Variants in POT1 observed in about 807,000 individuals in gnomAD.
The protein encoded by POT1 is protection of telomeres protein 1.
Under a neutral mutation model 78.5 loss-of-function variants are expected in POT1, and 47 were observed. The observed-to-expected ratio is 0.60, with a 90% CI of 0.47 to 0.76. The LOEUF (loss-of-function observed/expected upper bound fraction) is 0.76. POT1 is among the 30% of genes least tolerant of loss of function. The pLI is 0.00. For synonymous variants in POT1, 259 were observed against 260.7 expected (o/e 0.99, Z 0.06); for missense variants, 646 against 749.9 (o/e 0.86, Z 1.62).
intron 3 of POT1, among the ~76,000 whole-genome samples, chr7:124,903,585 A>G (rs1796679557): frequency 6.6e-6 from 1 of 152,234 alleles, no homozygotes; most frequent in Admixed American, 6.5e-5. Context: ...AAGATCTAAA[A>G]TGGACACCCT....
intron 8 of POT1, among the ~76,000 whole-genome samples, chr7:124,860,442 C>A (rs992031029): frequency 6.6e-6 from 1 of 151,928 alleles, no homozygotes; most frequent in African/African-American, 2.4e-5. Context: ...CTACTGTATT[C>A]TCATTTTTTA....
At chr7:124,865,822 T>A (rs1195224643) in intron 7 of POT1, among the ~76,000 whole-genome samples, 2 of 152,064 alleles carry the variant, frequency 1.3e-5, no homozygotes, top group Non-Finnish European at 2.9e-5. Flanking sequence ...TCTTCTCACC[T>A]CCACTTAATT....
At chr7:124,889,852 T>C (rs1311356409) in intron 6 of POT1, among the ~76,000 whole-genome samples, 1 of 152,024 alleles carries the variant, frequency 6.6e-6, no homozygotes, top group Non-Finnish European at 1.5e-5. Flanking sequence ...TCATTGACAG[T>C]GCACCTAGTC....
chr7:124,826,605 C>T (rs1398171804), intron 17 of POT1, among the ~76,000 whole-genome samples: 3 of 152,158 alleles, frequency 2.0e-5, no homozygotes, highest in Non-Finnish European at 4.4e-5. Flanking sequence ...GGCACGGTGG[C>T]TCACGCCTGT....
chr7:124,901,393 G>C (rs1796615530), intron 3 of POT1, among the ~76,000 whole-genome samples: 1 of 152,176 alleles, frequency 6.6e-6, no homozygotes, highest in Non-Finnish European at 1.5e-5. Flanking sequence ...ACAGGGTCTG[G>C]AGTTGACCTG....
intron 6 of POT1, among the ~76,000 whole-genome samples, chr7:124,882,816 C>G (rs1796149442): frequency 6.6e-6 from 1 of 151,934 alleles, no homozygotes; most frequent in South Asian, 2.1e-4. Context: ...TCATGAAAGA[C>G]AAGCTAGTGC....
At chr7:124,923,569 T>A (rs1251697475) in intron 2 of POT1, among the ~76,000 whole-genome samples, 1 of 151,756 alleles carries the variant, frequency 6.6e-6, no homozygotes, top group Non-Finnish European at 1.5e-5. Flanking sequence ...TCAGTATTCC[T>A]AAGGGGGAAG....
chr7:124,911,980 G>A (rs1211089034), intron 3 of POT1, among the ~76,000 whole-genome samples: 2 of 151,954 alleles, frequency 1.3e-5, no homozygotes, highest in Non-Finnish European at 2.9e-5. Context: ...TTTGAATCTG[G>A]CAACATTCAA....
chr7:124,892,386 G>A lies in POT1; in HGVS notation c.10-6C>T. ...ATATAATTTGTTGCTGGAACCTAAA[G>A]AAAGAGAAGACAGTGAATACATTTA... On this transcript the variant is annotated splice_region_variant and splice_polypyrimidine_tract_variant and intron_variant, in intron 5 of 18. Transcript: ENST00000357628. 1.5e-6 allele frequency: 2 copies of A among 1,336,208 alleles called. No individual in the cohort carries two copies. Among genetic ancestry groups the A allele is most frequent in the Non-Finnish European group, 2.0e-6 (2 of 994,204 alleles). 82.8% of individuals were successfully genotyped at this position (1,336,208 alleles called of 1,614,324 possible). A position where few individuals can be genotyped will look rare whatever the true frequency, so the allele number is the denominator to read the frequency against.
chr7:124,824,695 T>G (rs1369501725), intron 18 of POT1, among the ~76,000 whole-genome samples: 4 of 151,736 alleles, frequency 2.6e-5, no homozygotes. Context: ...TCTGCAAGTT[T>G]CAACATAAGT....
At chr7:124,908,398 A>G (rs1235063299) in intron 3 of POT1, among the ~76,000 whole-genome samples, 2 of 152,002 alleles carry the variant, frequency 1.3e-5, no homozygotes, top group Admixed American at 1.3e-4. Flanking sequence ...AATTGCCTAC[A>G]AATCACTGTA....
chr7:124,835,256 C>T, intron 15 of POT1, 23 bp downstream of exon 15: 1 of 1,610,914 alleles, frequency 6.2e-7, no homozygotes. Flanking sequence ...CAAAACAAAA[C>T]AAAACAAAAC....
intron 2 of POT1, among the ~76,000 whole-genome samples, chr7:124,920,078 T>C (rs1302555731): frequency 6.7e-6 from 1 of 149,354 alleles, no homozygotes; most frequent in Non-Finnish European, 1.5e-5. Context: ...GCTTAGGAAC[T>C]ATTTGAACAT....
intron 6 of POT1, among the ~76,000 whole-genome samples, chr7:124,883,229 G>C (rs1482369152): frequency 1.3e-5 from 2 of 151,910 alleles, no homozygotes; most frequent in African/African-American, 4.8e-5. Context: ...CATTCAATTT[G>C]AAAATATATA....
intron 2 of POT1, among the ~76,000 whole-genome samples, chr7:124,927,811 TCTC>T (rs1293740186): frequency 6.6e-6 from 1 of 152,154 alleles, no homozygotes; most frequent in Non-Finnish European, 1.5e-5. Context: ...CCTATTTTCT[TCTC>T]CTTGTTGGCT....
chr7:124,837,017 T>C (rs1794915161), intron 14 of POT1, among the ~76,000 whole-genome samples: 1 of 152,228 alleles, frequency 6.6e-6, no homozygotes, highest in South Asian at 2.1e-4. Context: ...TCAAGGTTTG[T>C]ATCTGGAGAC....
rs771994878 is a variant in POT1, at chr7:124,829,264, A to C, written c.1584T>G (p.Ser528=). The change falls in exon 16 of 19, where the codon TCT becomes TCG. Residue 528 remains serine, a synonymous_variant. Coordinates refer to ENST00000357628, the MANE Select transcript of POT1 (RefSeq NM_015450.3). ...GGAAATTTAGCTAACCTTCTGCCAC[A>C]GAAGAAGGAATCCACGATGTTTTAT... ...LVDKTSWIPS[S]VAEALGIVPL... 1.3e-6 allele frequency: 2 copies of C among 1,597,690 alleles called. No homozygotes were observed. Among genetic ancestry groups the C allele is most frequent in the South Asian group, 1.1e-5 (1 of 90,414 alleles).
chr7:124,854,611 T>C (rs1795397917), intron 9 of POT1, among the ~76,000 whole-genome samples: 1 of 151,890 alleles, frequency 6.6e-6, no homozygotes, highest in Admixed American at 6.6e-5. Flanking sequence ...GGATCTTTTT[T>C]CCCAACCAAT....
At chr7:124,885,985 CTT>C (rs1389126433) in intron 6 of POT1, among the ~76,000 whole-genome samples, 1 of 151,950 alleles carries the variant, frequency 6.6e-6, no homozygotes, top group Non-Finnish European at 1.5e-5. Context: ...AAAATTAAAA[CTT>C]TACTCCAAAG....
Sources: allele counts gnomAD v4.1 joint callset (sites outside exome capture counted in the v4.1 genomes callset), GRCh38; gene constraint gnomAD v4.1.1; transcripts MANE v1.5; gene names NCBI Gene and HGNC (gene_info 2026-07-23, HGNC 2026-07-21).